The following OTC variants were observed in gnomAD, a reference collection of about 807,000 sequenced individuals.
The protein encoded by OTC is ornithine transcarbamylase.
In OTC, 3 loss-of-function variants were observed where a neutral mutation model predicts 30.3. The observed-to-expected ratio is 0.10, with a 90% CI of 0.05 to 0.26. The LOEUF (loss-of-function observed/expected upper bound fraction) is 0.26, where lower values mean the gene tolerates loss of function less well. OTC is among the 10% of genes least tolerant of loss of function. OTC has a pLI of 1.00. For synonymous variants in OTC, 111 were observed against 99.7 expected (o/e 1.11, Z -0.67); for missense variants, 194 against 260.3 (o/e 0.75, Z 1.75).
chrX:38,401,527 T>C (rs979880256), intron 5 of OTC, 99 bp downstream of exon 5: 3 of 662,933 alleles, frequency 4.5e-6, no homozygotes, highest in South Asian at 4.6e-5. Flanking sequence ...TGGTGTTTTA[T>C]TTTCAAATAC....
chrX:38,364,791 C>CAAA (rs59159746), intron 1 of OTC, among the ~76,000 whole-genome samples: 1,015 of 99,177 alleles, frequency 0.01, 14 homozygotes, highest in Non-Finnish European at 0.017. Flanking sequence ...GACTCCATCT[C>CAAA]AAAAAAAAAA....
chrX:38,359,930 T>C (rs1194976832), intron 1 of OTC, among the ~76,000 whole-genome samples: 2 of 105,907 alleles, frequency 1.9e-5, no homozygotes, highest in African/African-American at 7.0e-5. Context: ...TTTTTTTTTG[T>C]TTTTGAGGCA....
At chrX:38,339,618 A>G in the OTC span, among the ~76,000 whole-genome samples, 3 of 108,722 alleles carry the variant, frequency 2.8e-5, no homozygotes, top group Non-Finnish European at 3.8e-5. Flanking sequence ...TGAATATGAA[A>G]CTTTTACATA....
intron 4 of OTC, among the ~76,000 whole-genome samples, chrX:38,383,796 C>T (rs1186451365): frequency 9.7e-6 from 1 of 102,626 alleles, no homozygotes; most frequent in African/African-American, 3.7e-5. Flanking sequence ...AAAACTCCAT[C>T]TCAAAAGAAA....
upstream of OTC, among the ~76,000 whole-genome samples, chrX:38,348,489 GACAGTGGT>G (rs1276829891): frequency 1.8e-5 from 2 of 109,642 alleles, no homozygotes; most frequent in African/African-American, 6.6e-5. Flanking sequence ...GGGAGTAGTA[GACAGTGGT>G]ATACTGGAGC....
At chrX:38,350,021 T>C (rs1038955214), upstream of OTC, among the ~76,000 whole-genome samples, 1 of 111,460 alleles carries the variant, frequency 9.0e-6, no homozygotes, top group Non-Finnish European at 1.9e-5. Flanking sequence ...TGTAGCTCCC[T>C]CCAGTTTTGA....
chrX:38,339,155 A>G, the OTC span, among the ~76,000 whole-genome samples: 1 of 112,088 alleles, frequency 8.9e-6, no homozygotes, highest in African/African-American at 3.2e-5. Context: ...TCTCACTTCA[A>G]CACTTGCTTT....
chrX:38,366,039 A>G (rs2147322736), intron 1 of OTC, among the ~76,000 whole-genome samples: 1 of 111,829 alleles, frequency 8.9e-6, no homozygotes, highest in Admixed American at 9.5e-5. Flanking sequence ...ACCTCCAAAA[A>G]CACATCACAA....
chrX:38,385,541 G>A (rs138358053), intron 4 of OTC, among the ~76,000 whole-genome samples: 2,356 of 111,640 alleles, frequency 0.021, 62 homozygotes, highest in African/African-American at 0.073. Flanking sequence ...CAATGCTGTA[G>A]GAAGAGTGTC....
At chrX:38,415,033 G>C (rs73198456) in intron 9 of OTC, among the ~76,000 whole-genome samples, 15 of 110,456 alleles carry the variant, frequency 1.4e-4, no homozygotes, top group Non-Finnish European at 2.3e-4. Context: ...GACTATCCAC[G>C]CTAAATTCCT....
intron 2 of OTC, among the ~76,000 whole-genome samples, chrX:38,368,088 G>A (rs9779793): frequency 0.19 from 19,428 of 101,441 alleles, 1,540 homozygotes; most frequent in Middle Eastern, 0.27. Context: ...AAGGCCAGGC[G>A]CAGTGGCTCA....
chrX:38,358,679 C>T (rs951042516), intron 1 of OTC, among the ~76,000 whole-genome samples: 5 of 99,468 alleles, frequency 5.0e-5, no homozygotes, highest in South Asian at 5.0e-4. Context: ...TGGAGTGCAA[C>T]GGCGCGATCT....
chrX:38,347,483 G>A, the OTC span, among the ~76,000 whole-genome samples: 3 of 112,163 alleles, frequency 2.7e-5, no homozygotes, highest in East Asian at 2.8e-4. Context: ...CACAGAACTC[G>A]GAAGACTTAA....
rs780333195 is a variant in OTC, at chrX:38,403,984, A to T, written c.663+244A>T. 5.3e-5 allele frequency among the ~76,000 whole-genome samples: 6 copies of T among 112,493 alleles called. No individual in the cohort carries two copies. In the East Asian group the frequency reaches 1.7e-3, roughly 31 times the overall value. ...TATTCTATGAGTTAGTGTTAAAAGCATGTCTGAATTATTCCTTTGAATACC... is the reference window on the plus strand; with the variant it reads ...TATTCTATGAGTTAGTGTTAAAAGCTTGTCTGAATTATTCCTTTGAATACC... On this transcript the variant is annotated intron_variant, in intron 6 of 9. Transcript: ENST00000039007.
Position 38,369,977 on chromosome X carries a change from A to G in OTC, c.298+100A>G, listed in dbSNP as rs762029310. The G allele has an allele frequency of 1.5e-5, 8 of 529,306 alleles. No homozygotes were observed. The East Asian group carries it at 2.5e-4, about 16-fold the overall frequency. The allele number at this position is 529,306 out of a possible 1,213,427, so 43.6% of individuals were successfully genotyped here. A position where few individuals can be genotyped will look rare whatever the true frequency, so the allele number is the denominator to read the frequency against. On this transcript the variant is annotated intron_variant, in intron 3 of 9. Transcript: ENST00000039007. The stretch of plus-strand genomic sequence containing the variant: ...TGCGGGGATTTGTCTGCCTCTAGCA[A>G]CCACAAAGAAAAAATCATTTTTACT...
At chrX:38,356,037 C>T (rs1470393699) in intron 1 of OTC, among the ~76,000 whole-genome samples, 1 of 72,287 alleles carries the variant, frequency 1.4e-5, no homozygotes, top group African/African-American at 6.0e-5. Context: ...GGTGACAGAG[C>T]GAGACTCTGT....
At chrX:38,403,415 A>G (rs1030347919) in intron 5 of OTC, among the ~76,000 whole-genome samples, 2 of 100,475 alleles carry the variant, frequency 2.0e-5, no homozygotes, top group African/African-American at 7.8e-5. Context: ...TCTTGGTTTA[A>G]GATATTAAGA....
chrX:38,421,624 T>C (rs1345188355), downstream of OTC, among the ~76,000 whole-genome samples: 1 of 111,708 alleles, frequency 9.0e-6, no homozygotes, highest in Non-Finnish European at 1.9e-5. Flanking sequence ...TCTTAAAATA[T>C]AGCTATTACT....
At chrX:38,407,965 A>G (rs951610254) in intron 6 of OTC, among the ~76,000 whole-genome samples, 1 of 111,595 alleles carries the variant, frequency 9.0e-6, no homozygotes, top group Non-Finnish European at 1.9e-5. Context: ...CAGAGTAGGA[A>G]CTAGGCTGAG....
Sources: allele counts gnomAD v4.1 joint callset (sites outside exome capture counted in the v4.1 genomes callset), GRCh38; gene constraint gnomAD v4.1.1; transcripts MANE v1.5; gene names NCBI Gene and HGNC (gene_info 2026-07-23, HGNC 2026-07-21).